Variants in ADGRL3 observed in about 807,000 individuals in gnomAD.
ADGRL3 encodes adhesion G protein-coupled receptor L3.
ADGRL3 carries 62 observed loss-of-function variants against 153.5 expected under a neutral mutation model. The ratio of observed to expected loss-of-function variants is 0.40; its 90% CI spans 0.33 to 0.50. The LOEUF (loss-of-function observed/expected upper bound fraction) is 0.50, where lower values mean the gene tolerates loss of function less well. Ranked by LOEUF, ADGRL3 falls within the 20% of genes least tolerant of loss-of-function variation. The pLI is 0.47. For synonymous variants in ADGRL3, 710 were observed against 672.5 expected (o/e 1.06, Z -0.86); for missense variants, 1,641 against 1,859.4 (o/e 0.88, Z 2.16).
chr4:62,024,879 G>A (rs992345524), intron 21 of ADGRL3, among the ~76,000 whole-genome samples: 8 of 142,202 alleles, frequency 5.6e-5, no homozygotes, highest in East Asian at 4.2e-4. Context: ...GCAGTGAGCC[G>A]AGATTGTGCC....
At chr4:61,799,370 A>C (rs1342447813) in intron 8 of ADGRL3, among the ~76,000 whole-genome samples, 4 of 152,010 alleles carry the variant, frequency 2.6e-5, no homozygotes, top group Non-Finnish European at 5.9e-5. Flanking sequence ...CCCTATTGCT[A>C]CCAGTGTTGG....
intron 23 of ADGRL3, among the ~76,000 whole-genome samples, chr4:62,034,406 T>C (rs1160031455): frequency 6.6e-6 from 1 of 152,066 alleles, no homozygotes; most frequent in Middle Eastern, 3.4e-3. Context: ...TAACAAGTAA[T>C]ACATATTGTT....
At chr4:61,817,159 C>G (rs937294327) in intron 9 of ADGRL3, among the ~76,000 whole-genome samples, 1 of 149,876 alleles carries the variant, frequency 6.7e-6, no homozygotes, top group African/African-American at 2.4e-5. Context: ...ACCCCCCCCC[C>G]CCCACCAAGG....
intron 1 of ADGRL3, among the ~76,000 whole-genome samples, chr4:61,376,121 T>C (rs777683391): frequency 6.6e-6 from 1 of 152,174 alleles, no homozygotes; most frequent in Non-Finnish European, 1.5e-5. Context: ...TGTTTTGAAC[T>C]GTTTTGTCAT....
chr4:61,733,215 G>T lies in ADGRL3; in HGVS notation c.1060G>T (p.Val354Phe). 1 of 1,613,578 alleles carries T rather than the reference G, an allele frequency of 6.2e-7. No individual in the cohort carries two copies. Among genetic ancestry groups the T allele is most frequent in the Non-Finnish European group, 8.5e-7 (1 of 1,179,762 alleles). ...AACAGAACAAAACAATGGTAAAATT[G>T]TCATTAGTCAATTGAACCCTTACAC... ...YATEQNNGKI[V>F]ISQLNPYTLR... The change falls in exon 8 of 27, where the codon GTC becomes TTC. Residue 354 changes from valine to phenylalanine, a missense_variant. By Grantham distance (50) the Val-to-Phe change is conservative (BLOSUM62 -1). Transcript: ENST00000683033.
intron 2 of ADGRL3, among the ~76,000 whole-genome samples, chr4:61,387,565 C>G (rs1292159554): frequency 6.6e-6 from 1 of 152,074 alleles, no homozygotes; most frequent in Non-Finnish European, 1.5e-5. Context: ...CAGGGATGTT[C>G]CATGCTGAGA....
chr4:61,991,775 T>A (rs2099104635), intron 19 of ADGRL3, among the ~76,000 whole-genome samples: 1 of 151,560 alleles, frequency 6.6e-6, no homozygotes, highest in African/African-American at 2.4e-5. Flanking sequence ...CCTAGATTTA[T>A]TATACTTGGC....
At chr4:61,888,413 A>G (rs565917895) in intron 9 of ADGRL3, among the ~76,000 whole-genome samples, 5 of 152,378 alleles carry the variant, frequency 3.3e-5, no homozygotes, top group African/African-American at 9.6e-5. Context: ...CTCATAGCCT[A>G]TAATATAGGC....
intron 1 of ADGRL3, among the ~76,000 whole-genome samples, chr4:61,359,358 A>C (rs1424092879): frequency 1.3e-5 from 2 of 152,190 alleles, no homozygotes; most frequent in Admixed American, 6.5e-5. Context: ...TCATGAAATA[A>C]AAGCTAGAAT....
At chr4:61,822,529 C>CAATAACAAATACAA (rs2097765396) in intron 9 of ADGRL3, among the ~76,000 whole-genome samples, 1 of 152,050 alleles carries the variant, frequency 6.6e-6, no homozygotes, top group African/African-American at 2.4e-5. Context: ...AAACTTAATG[C>CAATAACAAATACAA]TAAAATGTAT....
At chr4:61,993,290 C>CTTTTTTTTTTTTTTTTTTTT (rs761710043) in intron 19 of ADGRL3, among the ~76,000 whole-genome samples, 1 of 69,200 alleles carries the variant, frequency 1.4e-5, no homozygotes, top group Non-Finnish European at 2.9e-5. Context: ...TCTTTCTTTC[C>CTTTTTTTTTTTTTTTTTTTT]TTTTTTTTTT....
At chr4:61,448,656 A>T (rs940360023) in intron 2 of ADGRL3, among the ~76,000 whole-genome samples, 13 of 151,812 alleles carry the variant, frequency 8.6e-5, no homozygotes, top group African/African-American at 1.2e-4. Flanking sequence ...AATATATATC[A>T]TTAGAAGTTT....
intron 13 of ADGRL3, among the ~76,000 whole-genome samples, chr4:61,930,195 G>T (rs1421015184): frequency 1.3e-5 from 2 of 149,458 alleles, no homozygotes; most frequent in Non-Finnish European, 3.0e-5. Flanking sequence ...AAAAAAAAAT[G>T]CCATGGTGGT....
intron 1 of ADGRL3, among the ~76,000 whole-genome samples, chr4:61,246,301 G>T (rs552355566): frequency 6.6e-6 from 1 of 151,996 alleles, no homozygotes; most frequent in Non-Finnish European, 1.5e-5. Context: ...TCTTGTAACA[G>T]GTGATCAGGG....
At chr4:61,432,588 T>TTTTC (rs2097372756) in intron 2 of ADGRL3, among the ~76,000 whole-genome samples, 2 of 7,238 alleles carry the variant, frequency 2.8e-4, no homozygotes, top group South Asian at 8.9e-3. Flanking sequence ...CTTTCTTTCT[T>TTTTC]TCTTTCTTTC....
intron 4 of ADGRL3, among the ~76,000 whole-genome samples, chr4:61,564,513 TCTGGCTG>T (rs1297027557): frequency 6.6e-6 from 1 of 152,194 alleles, no homozygotes; most frequent in African/African-American, 2.4e-5. Context: ...GCACCAGCAG[TCTGGCTG>T]CTTTGGCCTT....
chr4:61,666,241 A>T (rs2094789204), intron 5 of ADGRL3, among the ~76,000 whole-genome samples: 1 of 152,044 alleles, frequency 6.6e-6, no homozygotes, highest in Admixed American at 6.5e-5. Context: ...AGCTCATCTT[A>T]TGTTTTTCTT....
chr4:61,968,805 T>A (rs948025393), intron 17 of ADGRL3, among the ~76,000 whole-genome samples: 9 of 152,204 alleles, frequency 5.9e-5, no homozygotes, highest in Non-Finnish European at 1.3e-4. Context: ...ATTTATAGGC[T>A]GAATGGAATT....
At chr4:62,026,274 T>A (rs1718500657) in intron 21 of ADGRL3, among the ~76,000 whole-genome samples, 1 of 152,178 alleles carries the variant, frequency 6.6e-6, no homozygotes. Context: ...TCCATTTTGA[T>A]GCCTAAGGCT....
Sources: gnomAD v4.1 joint callset for allele counts (sites outside exome capture counted in the v4.1 genomes callset) on GRCh38, gnomAD v4.1.1 for gene constraint, MANE v1.5 for transcripts, NCBI Gene and HGNC (gene_info 2026-07-23, HGNC 2026-07-21) for gene names.